The following CUBN variants were observed in gnomAD, a reference collection of about 807,000 sequenced individuals.
CUBN encodes the protein cubilin.
Under a neutral mutation model 405.3 loss-of-function variants are expected in CUBN, and 282 were observed. The ratio of observed to expected loss-of-function variants is 0.70; its 90% CI spans 0.63 to 0.77. The LOEUF (loss-of-function observed/expected upper bound fraction) is 0.77, where lower values mean the gene tolerates loss of function less well. CUBN is among the 30% of genes least tolerant of loss of function. The probability of loss-of-function intolerance (pLI) is 0.00; values close to 1 mark genes in which losing one functional copy is unlikely to be tolerated. For synonymous variants in CUBN, 1,684 were observed against 1,617.0 expected (o/e 1.04, Z -0.99); for missense variants, 4,514 against 4,475.2 (o/e 1.01, Z -0.25).
chr10:17,045,928 A>G lies in CUBN; in HGVS notation c.3490+6T>C. 2 of 1,613,738 alleles carry G rather than the reference A, an allele frequency of 1.2e-6. No individual in the cohort carries two copies. Among genetic ancestry groups the G allele is most frequent in the Non-Finnish European group, 1.7e-6 (2 of 1,179,846 alleles). The stretch of plus-strand genomic sequence containing the variant: ...CTCCAGTAAAAGACAGCTCTTTGCT[A>G]TTTACCTGTTGATGACCCATCCCAG... On this transcript the variant is annotated splice_donor_region_variant and intron_variant, in intron 24 of 66. Coordinates refer to ENST00000377833, the MANE Select transcript of CUBN (RefSeq NM_001081.4).
intron 31 of CUBN, among the ~76,000 whole-genome samples, chr10:16,972,217 C>T (rs975263020): frequency 6.6e-6 from 1 of 152,078 alleles, no homozygotes. Context: ...TTGGCTTGGC[C>T]CCTTTCTCTT....
chr10:17,001,849 C>T (rs549329506), intron 28 of CUBN, among the ~76,000 whole-genome samples: 1 of 152,200 alleles, frequency 6.6e-6, no homozygotes, highest in East Asian at 1.9e-4. Context: ...TCAAAATAGT[C>T]TATATTTGAG....
In CUBN at chr10:16,840,319, A is replaced by G; in HGVS notation, c.10032+11T>C. 1 of 1,611,870 alleles carries G rather than the reference A, an allele frequency of 6.2e-7. No individual in the cohort carries two copies. Among genetic ancestry groups the G allele is most frequent in the South Asian group, 1.1e-5 (1 of 91,026 alleles). ...ACTAGATGTGACTGCCATTCATCTTATAATTGTTACCTGCGGTGAGTCCTG... is the reference window on the plus strand; with the variant it reads ...ACTAGATGTGACTGCCATTCATCTTGTAATTGTTACCTGCGGTGAGTCCTG... On this transcript the variant is annotated intron_variant, in intron 62 of 66. Transcript: ENST00000377833.
intron 31 of CUBN, among the ~76,000 whole-genome samples, chr10:16,980,486 A>G (rs1286741500): frequency 6.6e-6 from 1 of 152,246 alleles, no homozygotes; most frequent in African/African-American, 2.4e-5. Context: ...TGTGGCACCT[A>G]TACACCATGG....
At chr10:17,085,921 T>C (rs1372837285) in intron 15 of CUBN, among the ~76,000 whole-genome samples, 162 bp from the exon 16 acceptor site, 1 of 152,000 alleles carries the variant, frequency 6.6e-6, no homozygotes, top group Admixed American at 6.6e-5. Context: ...TTCAGCAAAG[T>C]GTGTCTCCTT....
At chr10:16,839,136 G>A (rs1163035053) in intron 62 of CUBN, among the ~76,000 whole-genome samples, 1 of 152,156 alleles carries the variant, frequency 6.6e-6, no homozygotes, top group Non-Finnish European at 1.5e-5. Context: ...AAACACCAGA[G>A]GTGTTTGTCA....
At chr10:16,976,014 A>C (rs1192723863) in intron 31 of CUBN, among the ~76,000 whole-genome samples, 2 of 139,628 alleles carry the variant, frequency 1.4e-5, no homozygotes, top group East Asian at 2.1e-4. Flanking sequence ...CTTGTTGCCT[A>C]GGCTGAAGTG....
At chr10:16,987,043 G>T (rs2131707513) in intron 29 of CUBN, among the ~76,000 whole-genome samples, 1 of 152,262 alleles carries the variant, frequency 6.6e-6, no homozygotes, top group Non-Finnish European at 1.5e-5. Context: ...GCTCACAAAA[G>T]CCTATCGCAG....
rs1385996647 is a variant in CUBN, at chr10:16,948,456, G to A, written c.5209+22C>T. The A allele has an allele frequency of 3.7e-6, 6 of 1,613,574 alleles. No individual in the cohort carries two copies. The African/African-American group carries it at 4.0e-5, about 11-fold the overall frequency. ...TACCACATCCCTTTTAACCGCTAGA[G>A]TCAGGTGCTAGGGTTTCTTACCCGA... On this transcript the variant is annotated intron_variant, in intron 35 of 66. Coordinates refer to ENST00000377833, the MANE Select transcript of CUBN (RefSeq NM_001081.4).
chr10:16,842,599 C>G (rs1468344370), intron 60 of CUBN, among the ~76,000 whole-genome samples: 1 of 152,188 alleles, frequency 6.6e-6, no homozygotes, highest in African/African-American at 2.4e-5. Context: ...TCTCCATCGT[C>G]CTTCACCTGT....
chr10:17,018,404 G>A (rs887000980), intron 28 of CUBN, among the ~76,000 whole-genome samples: 2 of 152,028 alleles, frequency 1.3e-5, no homozygotes, highest in Non-Finnish European at 2.9e-5. Context: ...AAGATGGTGT[G>A]TCCGGATTTT....
In CUBN at chr10:16,848,032, G is replaced by A. The variant is rs141265316; in HGVS notation, c.9663+3203C>T. On this transcript the variant is annotated intron_variant, in intron 60 of 66. Coordinates refer to ENST00000377833, the MANE Select transcript of CUBN (RefSeq NM_001081.4). ...GTAGTTGGAAACGTTGCCAATGGAA[G>A]GAAATTGCTTTTCCAAGGGGGAAAA... 2.2e-4 allele frequency among the ~76,000 whole-genome samples: 34 copies of A among 152,302 alleles called. 1 individual carries two copies. The highest frequency in any genetic ancestry group is 7.2e-4 in the African/African-American group (30 of 41,564).
At chr10:17,006,203 T>C (rs1224557477) in intron 28 of CUBN, among the ~76,000 whole-genome samples, 1 of 152,236 alleles carries the variant, frequency 6.6e-6, no homozygotes, top group Non-Finnish European at 1.5e-5. Flanking sequence ...CCAAAATATG[T>C]GCTGGATGGT....
intron 39 of CUBN, among the ~76,000 whole-genome samples, chr10:16,933,496 T>A (rs1173413160): frequency 6.6e-6 from 1 of 152,204 alleles, no homozygotes; most frequent in Non-Finnish European, 1.5e-5. Flanking sequence ...ATGCATTGTG[T>A]TCTCCATTTT....
chr10:17,053,526 A>T (rs1169565155), intron 22 of CUBN, among the ~76,000 whole-genome samples: 1 of 152,158 alleles, frequency 6.6e-6, no homozygotes, highest in Non-Finnish European at 1.5e-5. Context: ...TCAGTAAAAC[A>T]TAATAATCCT....
At chr10:16,884,997 C>T (rs1840771633) in intron 56 of CUBN, among the ~76,000 whole-genome samples, 1 of 152,156 alleles carries the variant, frequency 6.6e-6, no homozygotes, top group South Asian at 2.1e-4. Flanking sequence ...AAGGCTCCCT[C>T]AATAAAGCTA....
rs41302970 is a variant in CUBN, at chr10:17,105,404, C to T, written c.1230+53G>A. 8,457 of 1,004,504 alleles carry T rather than the reference C, an allele frequency of 8.4e-3. 59 individuals are homozygous for T. Among genetic ancestry groups the T allele is most frequent in the Non-Finnish European group, 0.011 (6,666 of 621,822 alleles). 62.2% of individuals were successfully genotyped at this position (1,004,504 alleles called of 1,614,324 possible). ...ATCCTATAACGTTACATTTTATAGG[C>T]GTGAAACTAATTCTCAGGTACTCTC... is the stretch of plus-strand genomic sequence containing the variant. On this transcript the variant is annotated intron_variant, in intron 11 of 66. Transcript: ENST00000377833.
In CUBN at chr10:17,043,977, C is replaced by G; in HGVS notation, c.3679G>C (p.Asp1227His). The change falls in exon 26 of 67, where the codon GAT becomes CAT. Residue 1227 changes from aspartate (D) to histidine (H), a missense_variant. By Grantham distance (81) the Asp-to-His change is moderately conservative. Transcript: ENST00000377833. ...NCTLDYLAVYDGPSSNSHLLT... is the reference protein window; with the variant it reads ...NCTLDYLAVYHGPSSNSHLLT... ...AGATGAGAGTTGCTACTTGGGCCAT[C>G]ATATACCTTTAAGAAAATATTTTGA... The G allele has an allele frequency of 6.2e-7, 1 of 1,612,442 alleles. No homozygotes were observed.
chr10:16,986,632 G>A (rs74116794), intron 29 of CUBN, among the ~76,000 whole-genome samples: 2,600 of 152,252 alleles, frequency 0.017, 78 homozygotes, highest in African/African-American at 0.059. Flanking sequence ...CCCATCAAAA[G>A]CAGGGCTTTA....
Sources: allele counts gnomAD v4.1 joint callset (sites outside exome capture counted in the v4.1 genomes callset), GRCh38; gene constraint gnomAD v4.1.1; transcripts MANE v1.5; gene names NCBI Gene and HGNC (gene_info 2026-07-23, HGNC 2026-07-21).